TAPT1: variants seen among roughly 807,000 people sequenced by gnomAD.
TAPT1 encodes the protein transmembrane anterior posterior transformation 1, also known as transmembrane anterior posterior transformation protein 1 homolog.
TAPT1 carries 28 observed loss-of-function variants against 65.6 expected under a neutral mutation model. The observed-to-expected ratio is 0.43, with a 90% confidence interval of 0.32 to 0.59. TAPT1 has a LOEUF of 0.59. Among genes scored for constraint, TAPT1 ranks in the 20% least tolerant of loss-of-function variants. TAPT1 has a pLI of 0.09. For missense variants in TAPT1, 563 were observed against 679.9 expected, an observed-to-expected ratio of 0.83 and a Z score of 1.91; for synonymous variants, 278 against 245.2, an observed-to-expected ratio of 1.13 and a Z score of -1.25.
intron 2 of TAPT1, 25 bp downstream of exon 2, chr4:16,213,743 T>C (rs776327895): frequency 2.0e-6 from 3 of 1,525,662 alleles, no homozygotes; most frequent in Non-Finnish European, 2.6e-6. Context: ...CAAAATGATG[T>C]CTGGTAATGA....
chr4:16,182,145 T>C (rs894064651), intron 7 of TAPT1, among the ~76,000 whole-genome samples: 7 of 152,190 alleles, frequency 4.6e-5, no homozygotes, highest in African/African-American at 9.7e-5. Flanking sequence ...ATGTTTTACA[T>C]AGACATTATA....
chr4:16,166,207 G>A (rs928565658), intron 13 of TAPT1, among the ~76,000 whole-genome samples: 2 of 152,244 alleles, frequency 1.3e-5, no homozygotes, highest in East Asian at 3.9e-4. Flanking sequence ...ACTCTGTGCA[G>A]TGCCATCTCC....
At chr4:16,209,332 T>C (rs560810503) in intron 2 of TAPT1, among the ~76,000 whole-genome samples, 3 of 152,366 alleles carry the variant, frequency 2.0e-5, no homozygotes, top group South Asian at 4.1e-4. Context: ...TAATAACTTA[T>C]GGATCTGATA....
At chr4:16,178,542 G>A (rs1258085777) in intron 8 of TAPT1, among the ~76,000 whole-genome samples, 1 of 152,156 alleles carries the variant, frequency 6.6e-6, no homozygotes, top group Non-Finnish European at 1.5e-5. Context: ...TGAGATACCT[G>A]AGAAATTGAT....
intron 7 of TAPT1, among the ~76,000 whole-genome samples, chr4:16,185,652 A>G (rs1426741614): frequency 6.6e-6 from 1 of 152,184 alleles, no homozygotes; most frequent in African/African-American, 2.4e-5. Flanking sequence ...TACAGGCGTT[A>G]GCCACTGCGC....
At chr4:16,174,854 C>T in intron 9 of TAPT1, 125 bp from the exon 10 acceptor site, 1 of 611,886 alleles carries the variant, frequency 1.6e-6, no homozygotes, top group Admixed American at 3.7e-5. Flanking sequence ...ACCAAGCTGA[C>T]ATCTGGGCAT....
intron 1 of TAPT1, among the ~76,000 whole-genome samples, chr4:16,219,333 C>T (rs1751117842): frequency 6.6e-6 from 1 of 152,134 alleles, no homozygotes; most frequent in South Asian, 2.1e-4. Flanking sequence ...CTCCCCTTTA[C>T]CTGTGCTCCC....
At chr4:16,167,696 T>G (rs1747732150) in intron 12 of TAPT1, among the ~76,000 whole-genome samples, 1 of 152,188 alleles carries the variant, frequency 6.6e-6, no homozygotes, top group African/African-American at 2.4e-5. Flanking sequence ...GGTAAGGTGC[T>G]TAGAGCAGTG....
chr4:16,164,920 GCA>G (rs1047766819), intron 13 of TAPT1, among the ~76,000 whole-genome samples: 3 of 152,154 alleles, frequency 2.0e-5, no homozygotes, highest in Non-Finnish European at 4.4e-5. Flanking sequence ...CAGATGATGA[GCA>G]CAGACCCACT....
intron 1 of TAPT1, among the ~76,000 whole-genome samples, chr4:16,222,300 CGTTT>C (rs1425158087): frequency 6.6e-6 from 1 of 152,116 alleles, no homozygotes; most frequent in Non-Finnish European, 1.5e-5. Context: ...TTTCATTGTT[CGTTT>C]GGTCTATATA....
chr4:16,216,394 T>C (rs1750946167), intron 1 of TAPT1, among the ~76,000 whole-genome samples: 3 of 152,240 alleles, frequency 2.0e-5, no homozygotes, highest in Admixed American at 1.3e-4. Context: ...TTGTTTCCTA[T>C]AGATTCCTAA....
At chr4:16,170,181 G>A (rs1747901133) in intron 12 of TAPT1, among the ~76,000 whole-genome samples, 1 of 152,188 alleles carries the variant, frequency 6.6e-6, no homozygotes, top group African/African-American at 2.4e-5. Context: ...CAACCAAAAT[G>A]TAAGATCATG....
At position 16,163,479 on chromosome 4, in the gene TAPT1, C is replaced by A. The variant is rs775102251; in HGVS notation, c.1533G>T (p.Lys511Asn). The change falls in exon 14 of 14, where the codon AAG becomes AAT. Residue 511 changes from lysine (K) to asparagine (N), a missense_variant. By Grantham distance (94) the Lys-to-Asn change is moderately conservative. Around this residue, in one of 5 missense-constraint regions of TAPT1, gnomAD observed 136 missense variants for 153.9 expected, o/e 0.88. Transcript: ENST00000405303. ...ASITKQPIHQKENIIPLLVTS... is the reference protein window; with the variant it reads ...ASITKQPIHQNENIIPLLVTS... ...TCACAAGTAATGGTATGATATTTTCCTTTTGATGAATAGGTTGTTTGGTGA... is the reference window on the plus strand; with the variant it reads ...TCACAAGTAATGGTATGATATTTTCATTTTGATGAATAGGTTGTTTGGTGA... 6.2e-7 allele frequency: 1 copy of A among 1,613,926 alleles called. No individual in the cohort carries two copies. The highest frequency in any genetic ancestry group is 2.2e-5 in the East Asian group (1 of 44,876).
At position 16,213,772 on chromosome 4, in the gene TAPT1, TC is replaced by T. The variant is rs760726893; in HGVS notation, c.325del (p.Glu109LysfsTer3). 1 of 1,562,416 alleles carries T rather than the reference TC, an allele frequency of 6.4e-7. No individual in the cohort carries two copies. Among genetic ancestry groups the T allele is most frequent in the Non-Finnish European group, 8.6e-7 (1 of 1,163,588 alleles). ...YTCLRIPREL[E>X]KLMVFGIFLC... is the part of the protein sequence containing the mutation. Reference sequence around the variant, plus strand: ...GTAATGAAGAAAAAATAGTACCTTTTCCAATTCTCTTGGTATTCGCAAACAA... The same window carrying T: ...GTAATGAAGAAAAAATAGTACCTTTTCAATTCTCTTGGTATTCGCAAACAA... On this transcript the variant is annotated frameshift_variant, in exon 2 of 14. Coordinates refer to ENST00000405303, the MANE Select transcript of TAPT1 (RefSeq NM_153365.3). LOFTEE classifies it high-confidence loss of function.
At chr4:16,177,830 TAAG>T (rs1203313591) in intron 8 of TAPT1, among the ~76,000 whole-genome samples, 2 of 148,746 alleles carry the variant, frequency 1.3e-5, no homozygotes, top group Non-Finnish European at 3.0e-5. Context: ...TTTTTTTTTT[TAAG>T]AAATTTTAAT....
intron 3 of TAPT1, among the ~76,000 whole-genome samples, chr4:16,196,052 C>T (rs571774354): frequency 1.2e-4 from 19 of 152,276 alleles, no homozygotes; most frequent in African/African-American, 4.1e-4. Flanking sequence ...TGAAGAAACA[C>T]AAGCACTACT....
chr4:16,207,111 G>A (rs757179248), intron 2 of TAPT1, among the ~76,000 whole-genome samples: 7 of 152,206 alleles, frequency 4.6e-5, no homozygotes, highest in East Asian at 1.9e-4. Context: ...GGGGCTGGGG[G>A]ACAAGGAGGG....
chr4:16,209,699 G>A (rs1224658256), intron 2 of TAPT1, among the ~76,000 whole-genome samples: 1 of 152,182 alleles, frequency 6.6e-6, no homozygotes, highest in Non-Finnish European at 1.5e-5. Flanking sequence ...GATCTGTCTG[G>A]AAGTCAATGA....
chr4:16,196,228 A>G (rs892442719), intron 3 of TAPT1, among the ~76,000 whole-genome samples: 3 of 152,254 alleles, frequency 2.0e-5, no homozygotes, highest in Admixed American at 2.0e-4. Context: ...ATAAATACTT[A>G]AACGGAATGA....
Sources: gnomAD v4.1 joint callset for allele counts (sites outside exome capture counted in the v4.1 genomes callset) on GRCh38, gnomAD v4.1.1 for gene constraint, gnomAD v4.1.1 regional missense constraint, MANE v1.5 for transcripts, NCBI Gene and HGNC (gene_info 2026-07-23, HGNC 2026-07-21) for gene names.